Variants in NTRK3 observed in about 807,000 individuals in gnomAD.
NTRK3 encodes the protein NT-3 growth factor receptor.
A neutral mutation model predicts 91.7 loss-of-function variants in NTRK3; 24 were observed. The observed-to-expected ratio is 0.26, with a 90% confidence interval of 0.19 to 0.37. The LOEUF is 0.37. Ranked by LOEUF, NTRK3 falls within the 10% of genes least tolerant of loss-of-function variation. The probability of loss-of-function intolerance (pLI) is 1.00; values close to 1 mark genes in which losing one functional copy is unlikely to be tolerated. For missense variants in NTRK3, 880 were observed against 1,068.9 expected (o/e 0.82, Z 2.46); for synonymous variants, 483 against 404.0 (o/e 1.20, Z -2.34).
rs2051922237 is a variant in NTRK3 at position 88,237,702 on chromosome 15, T to C, written c.248+18204A>G. 6.6e-6 allele frequency among the ~76,000 whole-genome samples: 1 copy of C among 152,044 alleles called. No individual in the cohort carries two copies. Among genetic ancestry groups the C allele is most frequent in the Admixed American group, 6.6e-5 (1 of 15,258 alleles). On this transcript the variant is annotated intron_variant, in intron 3 of 18. Coordinates refer to ENST00000394480, the Ensembl canonical transcript of NTRK3. This position sits in a 1 kb window ranked among gnomAD's most constrained non-coding sequence, Gnocchi z 4.0. ...GACCGTGCAACTTCTTCCACAGGGC[T>C]CTCTTGCTTACATGACCGACTAAGC...
At chr15:88,113,595 C>A (rs2051692912) in intron 13 of NTRK3, among the ~76,000 whole-genome samples, 1 of 152,186 alleles carries the variant, frequency 6.6e-6, no homozygotes, top group Admixed American at 6.5e-5. Flanking sequence ...GGATTATAGG[C>A]ATGAGCCACC....
chr15:87,880,505 C>T (rs2141471121), intron 17 of NTRK3, 77 bp from the exon 19 acceptor site: 1 of 1,466,224 alleles, frequency 6.8e-7, no homozygotes, highest in Non-Finnish European at 9.4e-7. Flanking sequence ...ACTCTTCACA[C>T]ATAGATGCAC....
At chr15:88,074,140 C>A (rs1180793027) in intron 13 of NTRK3, among the ~76,000 whole-genome samples, 1 of 152,338 alleles carries the variant, frequency 6.6e-6, no homozygotes, top group East Asian at 1.9e-4. Flanking sequence ...GTTTAGTTCT[C>A]ACTGTAGCCC....
chr15:87,998,271 G>A (rs1369590926), intron 14 of NTRK3, among the ~76,000 whole-genome samples: 1 of 152,236 alleles, frequency 6.6e-6, no homozygotes, highest in African/African-American at 2.4e-5. Flanking sequence ...GGAACTGGGA[G>A]AATCAGGACC....
At chr15:88,082,553 T>C (rs1480493757) in intron 13 of NTRK3, among the ~76,000 whole-genome samples, 1 of 152,184 alleles carries the variant, frequency 6.6e-6, no homozygotes, top group Non-Finnish European at 1.5e-5. Context: ...CTGACTTCCA[T>C]CCACATTGAT....
At chr15:88,173,339 A>G (rs369231714) in intron 5 of NTRK3, among the ~76,000 whole-genome samples, 24 of 152,320 alleles carry the variant, frequency 1.6e-4, no homozygotes, top group African/African-American at 5.5e-4. Flanking sequence ...TTCCCATTCT[A>G]TAACAGGGTG....
intron 3 of NTRK3, among the ~76,000 whole-genome samples, chr15:88,219,875 G>A (rs2141557946): frequency 6.6e-6 from 1 of 152,330 alleles, no homozygotes; most frequent in African/African-American, 2.4e-5. Context: ...ACATGGTGAA[G>A]CAAAGGTCTG....
intron 9 of NTRK3, 121 bp from the exon 10 acceptor site, chr15:88,135,518 A>G (rs2151197969): frequency 8.8e-7 from 1 of 1,140,118 alleles, no homozygotes; most frequent in African/African-American, 1.5e-5. Context: ...AGGCTGAGGG[A>G]AGCAGAAGTC....
At chr15:88,013,972 T>G (rs1047199625) in intron 14 of NTRK3, among the ~76,000 whole-genome samples, 12 of 152,146 alleles carry the variant, frequency 7.9e-5, no homozygotes, top group Admixed American at 5.2e-4. Flanking sequence ...CTTAAGATAG[T>G]AACACTGTAT....
chr15:88,101,853 C>T (rs1191848779), intron 13 of NTRK3, among the ~76,000 whole-genome samples: 1 of 152,070 alleles, frequency 6.6e-6, no homozygotes, highest in Non-Finnish European at 1.5e-5. Context: ...ACATCACACA[C>T]CAGGGACTGT....
chr15:87,868,991 G>T, exon 19 of NTRK3: 1 of 228,642 alleles, frequency 4.4e-6, no homozygotes, highest in East Asian at 6.2e-5. Context: ...CCCAGAGCAG[G>T]GCTCAATGAC....
intron 3 of NTRK3, among the ~76,000 whole-genome samples, chr15:88,213,795 G>A (rs1226424120): frequency 6.6e-6 from 1 of 152,158 alleles, no homozygotes; most frequent in Non-Finnish European, 1.5e-5. Flanking sequence ...TTTGAAACGA[G>A]GCGGCCAAGT....
chr15:88,021,251 G>T (rs1030805529), intron 14 of NTRK3, among the ~76,000 whole-genome samples: 1 of 152,228 alleles, frequency 6.6e-6, no homozygotes, highest in East Asian at 1.9e-4. Context: ...TCCCTCCGAG[G>T]GGCTTGAGAG....
chr15:88,197,940 C>A (rs2047973218), intron 3 of NTRK3, among the ~76,000 whole-genome samples: 1 of 152,146 alleles, frequency 6.6e-6, no homozygotes, highest in East Asian at 1.9e-4. Context: ...CTGTCACTGA[C>A]AAGCTAGGTG....
intron 5 of NTRK3, among the ~76,000 whole-genome samples, chr15:88,147,733 T>A (rs2043017387): frequency 6.6e-6 from 1 of 152,132 alleles, no homozygotes; most frequent in Non-Finnish European, 1.5e-5. Context: ...TATGAAGCCA[T>A]CCTTCTCTAA....
intron 5 of NTRK3, among the ~76,000 whole-genome samples, chr15:88,148,514 C>A (rs980406859): frequency 1.1e-4 from 16 of 152,038 alleles, no homozygotes; most frequent in African/African-American, 3.9e-4. Context: ...AGCTGAGTAC[C>A]AAGGGAGGAG....
chr15:88,171,295 C>G (rs1484550828), intron 5 of NTRK3, among the ~76,000 whole-genome samples: 1 of 152,118 alleles, frequency 6.6e-6, no homozygotes, highest in Non-Finnish European at 1.5e-5. Flanking sequence ...AATACACTGA[C>G]AAAGCTCCCT....
At chr15:88,189,977 G>A (rs1051648112) in intron 3 of NTRK3, among the ~76,000 whole-genome samples, 3 of 152,020 alleles carry the variant, frequency 2.0e-5, no homozygotes, top group African/African-American at 4.8e-5. Flanking sequence ...ACACAAAGAC[G>A]CCCACCACCA....
At chr15:88,101,471 A>C (rs374200145) in intron 13 of NTRK3, among the ~76,000 whole-genome samples, 2 of 152,104 alleles carry the variant, frequency 1.3e-5, no homozygotes, top group African/African-American at 2.4e-5. Flanking sequence ...ATTCCTCAGG[A>C]ATCTAGAACT....
Sources: gnomAD v4.1 joint callset for allele counts (sites outside exome capture counted in the v4.1 genomes callset) on GRCh38, gnomAD v4.1.1 for gene constraint, Gnocchi (gnomAD v3.1) non-coding constraint, MANE v1.5 for transcripts, NCBI Gene and HGNC (gene_info 2026-07-23, HGNC 2026-07-21) for gene names.